GRM7: variants seen among roughly 807,000 people sequenced by gnomAD.
GRM7 encodes the protein glutamate metabotropic receptor 7.
GRM7 carries 35 observed loss-of-function variants against 84.5 expected under a neutral mutation model. The observed-to-expected ratio is 0.41, with a 90% CI of 0.32 to 0.55. The LOEUF is 0.55. Ranked by LOEUF, GRM7 falls within the 20% of genes least tolerant of loss-of-function variation. GRM7 has a pLI of 0.19. For synonymous variants in GRM7, 487 were observed against 455.1 expected (o/e 1.07, Z -0.89); for missense variants, 1,003 against 1,194.6 (o/e 0.84, Z 2.36).
chr3:7,569,663 T>G (rs1332102146), intron 7 of GRM7, among the ~76,000 whole-genome samples: 1 of 152,096 alleles, frequency 6.6e-6, no homozygotes, highest in Non-Finnish European at 1.5e-5. Context: ...CTTTATGAGC[T>G]GTAACACTCA....
chr3:6,968,638 T>C (rs1693621404), intron 1 of GRM7, among the ~76,000 whole-genome samples: 1 of 152,238 alleles, frequency 6.6e-6, no homozygotes, highest in Non-Finnish European at 1.5e-5. Context: ...CTCATTATCA[T>C]TATTTATTTT....
At position 7,740,628 on chromosome 3, in the gene GRM7, G is replaced by C; in HGVS notation, c.*222G>C. 2.5e-6 allele frequency: 1 copy of C among 399,252 alleles called. No individual in the cohort carries two copies. Among genetic ancestry groups the C allele is most frequent in the Non-Finnish European group, 4.4e-6 (1 of 226,248 alleles). 24.7% of individuals were successfully genotyped at this position (399,252 alleles called of 1,614,324 possible). ...TCACTGACATCAGCACTGCCAACTCGGCTGCAATTGTGGACCTTCCCTACC... is the reference window on the plus strand; with the variant it reads ...TCACTGACATCAGCACTGCCAACTCCGCTGCAATTGTGGACCTTCCCTACC... On this transcript the variant is annotated 3_prime_UTR_variant, in exon 10 of 10. Coordinates refer to ENST00000357716, the MANE Select transcript of GRM7 (RefSeq NM_000844.4).
chr3:7,664,160 C>T (rs779020890), intron 8 of GRM7, among the ~76,000 whole-genome samples: 40 of 152,184 alleles, frequency 2.6e-4, no homozygotes, highest in Admixed American at 1.1e-3. Context: ...CAATTCTCAA[C>T]CCAAGATGAG....
chr3:7,125,599 T>G (rs1693373106), intron 1 of GRM7, among the ~76,000 whole-genome samples: 1 of 152,224 alleles, frequency 6.6e-6, no homozygotes, highest in Admixed American at 6.5e-5. Flanking sequence ...GCTGCACATT[T>G]ATTTATTTTC....
At chr3:6,964,954 T>C (rs888782923) in intron 1 of GRM7, among the ~76,000 whole-genome samples, 14 of 152,216 alleles carry the variant, frequency 9.2e-5, no homozygotes, top group African/African-American at 3.4e-4. Context: ...TTCTTCCAAA[T>C]GTCTATTTTA....
intron 1 of GRM7, among the ~76,000 whole-genome samples, chr3:6,936,074 C>G (rs1242056111): frequency 2.6e-5 from 4 of 152,138 alleles, no homozygotes; most frequent in Non-Finnish European, 5.9e-5. Flanking sequence ...GTCCAGCTCA[C>G]AAAGCTCGGT....
At chr3:7,686,656 G>C (rs943797855) in intron 9 of GRM7, among the ~76,000 whole-genome samples, 1 of 152,144 alleles carries the variant, frequency 6.6e-6, no homozygotes, top group Non-Finnish European at 1.5e-5. Flanking sequence ...ACGTTTATGA[G>C]TATATACACA....
chr3:7,732,578 T>C (rs1195196802), intron 9 of GRM7, among the ~76,000 whole-genome samples: 1 of 151,648 alleles, frequency 6.6e-6, no homozygotes, highest in Non-Finnish European at 1.5e-5. Flanking sequence ...GAAAAACTAG[T>C]GTGAGGATCC....
At chr3:6,883,954 A>G (rs1695601753) in intron 1 of GRM7, among the ~76,000 whole-genome samples, 1 of 152,202 alleles carries the variant, frequency 6.6e-6, no homozygotes. Context: ...AGGTCTGGAG[A>G]CATGGAACTC....
At chr3:6,897,915 C>T (rs1345828690) in intron 1 of GRM7, among the ~76,000 whole-genome samples, 1 of 152,134 alleles carries the variant, frequency 6.6e-6, no homozygotes, top group African/African-American at 2.4e-5. Flanking sequence ...GGGGCCTCCC[C>T]ATAGAGGCTG....
At chr3:7,351,786 A>G (rs1693159403) in intron 4 of GRM7, among the ~76,000 whole-genome samples, 1 of 150,928 alleles carries the variant, frequency 6.6e-6, no homozygotes, top group African/African-American at 2.4e-5. Flanking sequence ...TGGCCTTTGG[A>G]CTCTGAGAGT....
chr3:6,940,941 T>C (rs1048400967), intron 1 of GRM7, among the ~76,000 whole-genome samples: 4 of 152,196 alleles, frequency 2.6e-5, no homozygotes, highest in African/African-American at 9.6e-5. Flanking sequence ...CAGAAATCGA[T>C]GTCCACATGG....
At chr3:7,131,698 C>T (rs558278460) in intron 1 of GRM7, among the ~76,000 whole-genome samples, 2 of 152,036 alleles carry the variant, frequency 1.3e-5, no homozygotes, top group South Asian at 2.1e-4. Context: ...AGGATGGACT[C>T]GATCTCTTGA....
At chr3:7,324,005 G>A (rs1700886173) in intron 4 of GRM7, among the ~76,000 whole-genome samples, 1 of 152,064 alleles carries the variant, frequency 6.6e-6, no homozygotes, top group Non-Finnish European at 1.5e-5. Flanking sequence ...TTTACGGGTG[G>A]CACCAATTTC....
chr3:7,178,794 T>G (rs750159105), intron 2 of GRM7, among the ~76,000 whole-genome samples: 1 of 151,410 alleles, frequency 6.6e-6, no homozygotes, highest in Admixed American at 6.6e-5. Context: ...AAAAAAAAAA[T>G]GTTAGGCTGC....
chr3:7,588,630 G>A (rs557563564), intron 8 of GRM7, among the ~76,000 whole-genome samples: 3 of 152,172 alleles, frequency 2.0e-5, no homozygotes, highest in African/African-American at 7.2e-5. Context: ...AGATCATAGA[G>A]CAAGGTATAC....
intron 1 of GRM7, among the ~76,000 whole-genome samples, chr3:6,881,673 C>G (rs1695513952): frequency 7.2e-6 from 1 of 138,418 alleles, no homozygotes; most frequent in African/African-American, 2.5e-5. Context: ...ATGCAGCAAA[C>G]AAGCATGAAA....
intron 6 of GRM7, among the ~76,000 whole-genome samples, chr3:7,453,611 C>T (rs1047945104): frequency 1.3e-5 from 2 of 152,124 alleles, no homozygotes; most frequent in African/African-American, 2.4e-5. Flanking sequence ...GAGTTTCTGT[C>T]CTCAGGGATT....
At chr3:7,483,924 A>G (rs796306821) in intron 7 of GRM7, among the ~76,000 whole-genome samples, 5 of 152,276 alleles carry the variant, frequency 3.3e-5, no homozygotes, top group African/African-American at 1.2e-4. Context: ...TATCACATTA[A>G]AAGAAAAAAG....
Sources: gnomAD v4.1 joint callset for allele counts (sites outside exome capture counted in the v4.1 genomes callset) on GRCh38, gnomAD v4.1.1 for gene constraint, MANE v1.5 for transcripts, NCBI Gene and HGNC (gene_info 2026-07-23, HGNC 2026-07-21) for gene names.